Variants in ANXA8 observed in about 807,000 individuals in gnomAD.
ANXA8 encodes the protein annexin A8, also known as VAC-beta.
A neutral mutation model predicts 26.8 loss-of-function variants in ANXA8; 9 were observed. The observed-to-expected ratio is 0.34, with a 90% CI of 0.20 to 0.59. ANXA8 has a LOEUF of 0.59. ANXA8 is among the 20% of genes least tolerant of loss of function. The pLI, the probability that ANXA8 is intolerant of heterozygous loss-of-function variation, is 0.84. For synonymous variants in ANXA8, 39 were observed against 94.8 expected (o/e 0.41, Z 3.42); for missense variants, 83 against 238.5 (o/e 0.35, Z 4.29).
chr10:47,957,139 G>A, the ANXA8 span, among the ~76,000 whole-genome samples: 1 of 150,008 alleles, frequency 6.7e-6, no homozygotes, highest in Non-Finnish European at 1.5e-5. Context: ...GGCAGTGAGT[G>A]GGCCACTGAC....
chr10:47,675,990 G>A, the ANXA8 span, among the ~76,000 whole-genome samples: 1 of 151,214 alleles, frequency 6.6e-6, no homozygotes, highest in East Asian at 1.9e-4. Context: ...ACAAAAAAAG[G>A]AAAGAAAAGA....
the ANXA8 span, among the ~76,000 whole-genome samples, chr10:47,768,630 G>A: frequency 6.6e-6 from 1 of 151,456 alleles, no homozygotes; most frequent in South Asian, 2.1e-4. Context: ...CTCGGGGAGG[G>A]GGCTGTGCTG....
At chr10:47,564,852 C>T in the ANXA8 span, 1 of 1,137,518 alleles carries the variant, frequency 8.8e-7, no homozygotes, top group Non-Finnish European at 1.3e-6. Flanking sequence ...AACTCCTGCC[C>T]CAAGCCTGAC....
At chr10:47,607,974 T>C in the ANXA8 span, among the ~76,000 whole-genome samples, 1 of 144,566 alleles carries the variant, frequency 6.9e-6, no homozygotes, top group South Asian at 2.1e-4. Flanking sequence ...TTTATTATTG[T>C]AGTTATTTTA....
At chr10:47,710,959 AC>A in the ANXA8 span, among the ~76,000 whole-genome samples, 1 of 142,236 alleles carries the variant, frequency 7.0e-6, no homozygotes, top group Non-Finnish European at 1.5e-5. Context: ...TCCCAGATAT[AC>A]TACTTTACCT....
chr10:47,561,045 C>T, the ANXA8 span, among the ~76,000 whole-genome samples: 1 of 151,378 alleles, frequency 6.6e-6, no homozygotes, highest in Admixed American at 6.6e-5. Flanking sequence ...TTCTGTGGGC[C>T]TCATCTGACT....
the ANXA8 span, among the ~76,000 whole-genome samples, chr10:47,612,898 T>A: frequency 4.0e-5 from 3 of 74,510 alleles, no homozygotes; most frequent in African/African-American, 1.2e-4. Flanking sequence ...CTGTAGAAAA[T>A]AAATTCAGTT....
the ANXA8 span, chr10:47,491,703 G>T: frequency 6.5e-7 from 1 of 1,542,482 alleles, no homozygotes; most frequent in Non-Finnish European, 8.8e-7. Flanking sequence ...GGCGAACTAG[G>T]ATGCTGAGGA....
chr10:47,560,199 TTC>T, the ANXA8 span, among the ~76,000 whole-genome samples: 1 of 151,776 alleles, frequency 6.6e-6, no homozygotes, highest in Non-Finnish European at 1.5e-5. Flanking sequence ...ATTTGAATGC[TTC>T]TGTTTGATTT....
chr10:47,743,377 T>TATATATACACATATATATATATAC, the ANXA8 span, among the ~76,000 whole-genome samples: 3 of 38,322 alleles, frequency 7.8e-5, no homozygotes, highest in Non-Finnish European at 1.7e-4. Context: ...TATACATATA[T>TATATATACACATATATATATATAC]ATGTGTGTGT....
chr10:47,690,789 A>G, the ANXA8 span: 72 of 1,607,236 alleles, frequency 4.5e-5, 2 homozygotes, highest in Non-Finnish European at 2.5e-6. Context: ...TGTGTAGCTC[A>G]GGAATACTGT....
At chr10:47,674,674 T>G in the ANXA8 span, among the ~76,000 whole-genome samples, 1 of 151,868 alleles carries the variant, frequency 6.6e-6, no homozygotes, top group Non-Finnish European at 1.5e-5. Flanking sequence ...GTATAAATTA[T>G]TTAGATTTCT....
At chr10:47,720,149 A>G in the ANXA8 span, 1 of 1,284,916 alleles carries the variant, frequency 7.8e-7, no homozygotes, top group Non-Finnish European at 1.0e-6. Context: ...TTCTAAAAAG[A>G]ATTAACTAGA....
At chr10:47,959,937 C>T in the ANXA8 span, among the ~76,000 whole-genome samples, 1 of 151,286 alleles carries the variant, frequency 6.6e-6, no homozygotes, top group Non-Finnish European at 1.5e-5. Context: ...CATGGAGGAG[C>T]TGTGCCTAGG....
the ANXA8 span, among the ~76,000 whole-genome samples, chr10:47,628,284 A>T: frequency 6.6e-6 from 1 of 152,120 alleles, no homozygotes; most frequent in South Asian, 2.1e-4. Context: ...TCATATACGT[A>T]CCTTTTTTGT....
chr10:47,603,922 C>A, the ANXA8 span, among the ~76,000 whole-genome samples: 2 of 137,054 alleles, frequency 1.5e-5, no homozygotes, highest in Non-Finnish European at 3.1e-5. Context: ...AGGTTGGATT[C>A]AACAGGTATT....
At chr10:47,985,713 T>C in the ANXA8 span, 2 of 103,454 alleles carry the variant, frequency 1.9e-5, no homozygotes. Flanking sequence ...TGCCACTCCA[T>C]CCATAAACCC....
chr10:47,559,640 G>T, the ANXA8 span, among the ~76,000 whole-genome samples: 2 of 151,352 alleles, frequency 1.3e-5, no homozygotes, highest in African/African-American at 2.4e-5. Context: ...AAAATTTTTT[G>T]TTTTTCAGAT....
chr10:47,515,922 G>A, the ANXA8 span, among the ~76,000 whole-genome samples: 1 of 117,800 alleles, frequency 8.5e-6, no homozygotes, highest in Admixed American at 9.0e-5. Context: ...CACATTGGAG[G>A]GAAGCCTCCA....
Sources: gnomAD v4.1 joint callset for allele counts (sites outside exome capture counted in the v4.1 genomes callset) on GRCh38, gnomAD v4.1.1 for gene constraint, MANE v1.5 for transcripts, NCBI Gene and HGNC (gene_info 2026-07-23, HGNC 2026-07-21) for gene names.